The following RTTN variants were observed in gnomAD, a reference collection of about 807,000 sequenced individuals.
RTTN encodes the protein rotatin.
In RTTN, 182 loss-of-function variants were observed where a neutral mutation model predicts 269.2. That is an observed-to-expected ratio of 0.68 (90% confidence interval 0.60 to 0.76). RTTN has a LOEUF of 0.76. RTTN is among the 30% of genes least tolerant of loss of function. The pLI is 0.00. For synonymous variants in RTTN, 1,006 were observed against 963.5 expected (o/e 1.04, Z -0.82); for missense variants, 2,545 against 2,608.6 (o/e 0.98, Z 0.53).
chr18:70,064,248 G>A (rs2058070755), intron 35 of RTTN, among the ~76,000 whole-genome samples: 1 of 133,836 alleles, frequency 7.5e-6, no homozygotes, highest in Non-Finnish European at 1.5e-5. Context: ...TGAGGCAGAA[G>A]AATCTCCTGA....
chr18:70,166,923 T>C lies in RTTN; in HGVS notation c.1798A>G (p.Lys600Glu), dbSNP rs753983376. 3.1e-6 allele frequency: 5 copies of C among 1,605,748 alleles called. No homozygotes were observed. The highest frequency in any genetic ancestry group is 4.3e-6 in the Non-Finnish European group (5 of 1,173,230). The change falls in exon 13 of 49, where the codon AAG becomes GAG. Residue 600 changes from lysine (K) to glutamate (E), a missense_variant. Lys to Glu is a moderately conservative substitution (Grantham distance 56). Coordinates refer to ENST00000640769, the MANE Select transcript of RTTN (RefSeq NM_173630.4). ...LIKEIISICSKIWKSAQASPL... is the reference protein window; with the variant it reads ...LIKEIISICSEIWKSAQASPL... ...CATTAAGAAAGAAAATATTACATCT[T>C]TGAACAAATGCTGATGATTTCCTTT...
chr18:70,003,978 A>C lies in RTTN; in HGVS notation c.*173T>G, dbSNP rs1440418293. On this transcript the variant is annotated 3_prime_UTR_variant, in exon 49 of 49. Transcript: ENST00000640769. Reference sequence around the variant, plus strand: ...CTGCTATTACTTCTGGAGAGCTGCCACAACTGGACGGTGTTGGAGTATCAC... The same window carrying C: ...CTGCTATTACTTCTGGAGAGCTGCCCCAACTGGACGGTGTTGGAGTATCAC... 1 of 452,476 alleles carries C rather than the reference A, an allele frequency of 2.2e-6. No individual in the cohort carries two copies. Among genetic ancestry groups the C allele is most frequent in the African/African-American group, 2.0e-5 (1 of 50,646 alleles). The allele number at this position is 452,476 out of a possible 1,614,324, so 28.0% of individuals were successfully genotyped here.
chr18:70,121,034 G>A (rs185804679), intron 26 of RTTN, among the ~76,000 whole-genome samples: 30 of 152,102 alleles, frequency 2.0e-4, no homozygotes, highest in Admixed American at 1.6e-3. Flanking sequence ...CTGGGTGACA[G>A]GGCGAGACGC....
At chr18:70,013,423 G>A (rs1015848938) in intron 46 of RTTN, among the ~76,000 whole-genome samples, 1 of 152,040 alleles carries the variant, frequency 6.6e-6, no homozygotes, top group Non-Finnish European at 1.5e-5. Context: ...CTGTGTGTGT[G>A]TGTGTGTGTG....
chr18:70,088,435 C>T (rs1436292085), intron 30 of RTTN, among the ~76,000 whole-genome samples: 1 of 152,108 alleles, frequency 6.6e-6, no homozygotes, highest in Non-Finnish European at 1.5e-5. Context: ...AAGCATAGGG[C>T]ACTTACATTT....
chr18:70,082,094 T>C (rs2058584311), intron 32 of RTTN, among the ~76,000 whole-genome samples: 1 of 152,142 alleles, frequency 6.6e-6, no homozygotes, highest in Non-Finnish European at 1.5e-5. Flanking sequence ...AAAAAGTCTG[T>C]GTACCAATTC....
chr18:70,141,902 C>T (rs1291398069), intron 19 of RTTN, among the ~76,000 whole-genome samples: 2 of 152,098 alleles, frequency 1.3e-5, no homozygotes, highest in Non-Finnish European at 2.9e-5. Flanking sequence ...ATGATGCATG[C>T]ACTCAGTAAA....
At chr18:70,041,761 C>G (rs1311338367) in intron 40 of RTTN, among the ~76,000 whole-genome samples, 7 of 152,078 alleles carry the variant, frequency 4.6e-5, no homozygotes, top group Non-Finnish European at 1.0e-4. Flanking sequence ...TCTACTAAAA[C>G]CTTTGAAGGA....
intron 28 of RTTN, among the ~76,000 whole-genome samples, chr18:70,094,218 C>G (rs938095176): frequency 2.0e-5 from 3 of 152,086 alleles, no homozygotes; most frequent in Admixed American, 6.5e-5. Flanking sequence ...AGTGGTCTAT[C>G]TATTTTGTTG....
At chr18:70,050,686 T>C (rs1325583865) in intron 39 of RTTN, among the ~76,000 whole-genome samples, 2 of 152,146 alleles carry the variant, frequency 1.3e-5, no homozygotes, top group African/African-American at 4.8e-5. Flanking sequence ...TGCCCATCAA[T>C]GACACAGTGG....
chr18:70,004,516 A>T (rs892003645), intron 48 of RTTN, among the ~76,000 whole-genome samples: 1 of 152,176 alleles, frequency 6.6e-6, no homozygotes, highest in Admixed American at 6.5e-5. Context: ...GAATGCCATT[A>T]ATCTTTTTTT....
At chr18:70,031,079 G>C in intron 40 of RTTN, 98 bp from the exon 41 acceptor site, 1 of 713,644 alleles carries the variant, frequency 1.4e-6, no homozygotes, top group Non-Finnish European at 2.3e-6. Flanking sequence ...GATATTGCTA[G>C]GTTTCAACTA....
intron 12 of RTTN, 116 bp from the exon 13 acceptor site, chr18:70,167,147 C>A: frequency 1.5e-6 from 1 of 666,318 alleles, no homozygotes; most frequent in Middle Eastern, 2.4e-4. Context: ...AGACTGTTTA[C>A]ATTTGTTTAA....
intron 40 of RTTN, among the ~76,000 whole-genome samples, chr18:70,034,820 T>G (rs2057122109): frequency 6.6e-6 from 1 of 152,202 alleles, no homozygotes; most frequent in Non-Finnish European, 1.5e-5. Flanking sequence ...CAAAAGCTCC[T>G]TAAGCTGATA....
intron 9 of RTTN, 113 bp downstream of exon 9, chr18:70,190,424 TA>T: frequency 1.6e-6 from 1 of 614,398 alleles, no homozygotes; most frequent in Non-Finnish European, 2.6e-6. Flanking sequence ...TCCCAAAAGA[TA>T]AGTAAATACA....
At chr18:70,176,239 G>GTATATC (rs2061296374) in intron 11 of RTTN, among the ~76,000 whole-genome samples, 1 of 145,486 alleles carries the variant, frequency 6.9e-6, no homozygotes, top group African/African-American at 2.8e-5. Flanking sequence ...ATATGTATAT[G>GTATATC]TATATGTATA....
At position 70,037,001 on chromosome 18, in the gene RTTN, G is replaced by A. The variant is rs534137445; in HGVS notation, c.5542-6020C>T. 2.0e-5 allele frequency among the ~76,000 whole-genome samples: 3 copies of A among 152,330 alleles called. No individual in the cohort carries two copies. The South Asian group carries it at 6.2e-4, about 32-fold the overall frequency. On this transcript the variant is annotated intron_variant, in intron 40 of 48. Coordinates refer to ENST00000640769, the MANE Select transcript of RTTN (RefSeq NM_173630.4). ...AGGAGGGAGAGAGCAGCGACTGGGG[G>A]ACTTCACACTGAATTCAGTGCTGCT...
intron 38 of RTTN, chr18:70,053,288 G>A (rs1448949630): frequency 2.0e-5 from 3 of 152,152 alleles, no homozygotes; most frequent in African/African-American, 7.2e-5. Flanking sequence ...AGATGTTTTT[G>A]CCTCACCCTC....
At chr18:70,061,790 C>T (rs1377720023) in intron 35 of RTTN, among the ~76,000 whole-genome samples, 1 of 152,140 alleles carries the variant, frequency 6.6e-6, no homozygotes, top group Non-Finnish European at 1.5e-5. Flanking sequence ...ACTATGATCA[C>T]AGCACTGTCC....
Sources: gnomAD v4.1 joint callset for allele counts (sites outside exome capture counted in the v4.1 genomes callset) on GRCh38, gnomAD v4.1.1 for gene constraint, MANE v1.5 for transcripts, NCBI Gene and HGNC (gene_info 2026-07-23, HGNC 2026-07-21) for gene names.